Variants in NREP observed in about 807,000 individuals in gnomAD.
NREP encodes neuronal regeneration-related protein.
NREP carries 5 observed loss-of-function variants against 8.6 expected under a neutral mutation model. The ratio of observed to expected loss-of-function variants is 0.58; its 90% CI spans 0.30 to 1.22. NREP has a LOEUF of 1.22. Among genes scored for constraint, NREP ranks in the 50% most tolerant of loss-of-function variants. The pLI, the probability that NREP is intolerant of heterozygous loss-of-function variation, is 0.07. For missense variants in NREP, 86 were observed against 82.5 expected (o/e 1.04, Z -0.17); for synonymous variants, 27 against 28.0 (o/e 0.96, Z 0.11).
chr5:111,851,697 T>C (rs907721341), intron 2 of NREP, among the ~76,000 whole-genome samples: 3 of 152,088 alleles, frequency 2.0e-5, no homozygotes, highest in Non-Finnish European at 4.4e-5. Context: ...AAGAATAAGC[T>C]AAAGAGACCT....
chr5:111,921,601 G>A (rs976547020), intron 2 of NREP, among the ~76,000 whole-genome samples: 4 of 152,142 alleles, frequency 2.6e-5, no homozygotes, highest in Admixed American at 6.6e-5. Flanking sequence ...AATGGTTCGG[G>A]CAATGTCCTT....
At chr5:111,778,105 G>A (rs1255461715) in intron 2 of NREP, among the ~76,000 whole-genome samples, 1 of 152,110 alleles carries the variant, frequency 6.6e-6, no homozygotes, top group Non-Finnish European at 1.5e-5. Context: ...ACAATTTAAT[G>A]CATACACACA....
chr5:111,757,426 G>C, upstream of NREP: 1 of 980,980 alleles, frequency 1.0e-6, no homozygotes, highest in Non-Finnish European at 1.2e-6. Context: ...TTCTCTAAGA[G>C]TCTCTCTCTC....
At chr5:111,820,516 T>A (rs1752492100) in intron 2 of NREP, among the ~76,000 whole-genome samples, 1 of 151,764 alleles carries the variant, frequency 6.6e-6, no homozygotes, top group Non-Finnish European at 1.5e-5. Context: ...TTCAAGATAA[T>A]GATAACCTCT....
intron 2 of NREP, among the ~76,000 whole-genome samples, chr5:111,821,855 T>C (rs1561680300): frequency 6.6e-6 from 1 of 152,124 alleles, no homozygotes; most frequent in Non-Finnish European, 1.5e-5. Flanking sequence ...AGGGTATTTA[T>C]AGGAGAAGAA....
At chr5:111,807,236 T>C (rs1752163788) in intron 2 of NREP, among the ~76,000 whole-genome samples, 1 of 152,178 alleles carries the variant, frequency 6.6e-6, no homozygotes, top group South Asian at 2.1e-4. Flanking sequence ...AGCCAGAAAT[T>C]CTTTATTTCA....
At chr5:111,959,918 C>T (rs1756435193) in intron 2 of NREP, among the ~76,000 whole-genome samples, 1 of 150,004 alleles carries the variant, frequency 6.7e-6, no homozygotes, top group African/African-American at 2.4e-5. Context: ...GTATTATAAC[C>T]AGGATTTTTT....
chr5:111,880,887 A>T (rs1303139271), intron 2 of NREP, among the ~76,000 whole-genome samples: 1 of 150,838 alleles, frequency 6.6e-6, no homozygotes, highest in Admixed American at 6.6e-5. Context: ...TACAGCTCCC[A>T]GCGTGAGCAA....
At chr5:111,914,840 A>G (rs146375760) in intron 2 of NREP, among the ~76,000 whole-genome samples, 1 of 152,236 alleles carries the variant, frequency 6.6e-6, no homozygotes, top group East Asian at 1.9e-4. Context: ...AGAAAAGCTT[A>G]AACATGCAAT....
At chr5:111,826,059 T>G (rs572698706) in intron 2 of NREP, among the ~76,000 whole-genome samples, 1 of 152,114 alleles carries the variant, frequency 6.6e-6, no homozygotes, top group East Asian at 1.9e-4. Flanking sequence ...GTTCAAGCGA[T>G]TCTCCTGCTT....
intron 2 of NREP, among the ~76,000 whole-genome samples, chr5:111,967,089 T>G (rs1387019969): frequency 6.6e-6 from 1 of 152,164 alleles, no homozygotes; most frequent in Non-Finnish European, 1.5e-5. Context: ...TGGGTAGAGA[T>G]CAAGACTGCT....
intron 3 of NREP, chr5:111,734,544 C>T: frequency 2.3e-6 from 1 of 441,166 alleles, no homozygotes; most frequent in Non-Finnish European, 4.0e-6. Context: ...GTGCAAACTG[C>T]CAGTTGATAC....
At position 111,905,735 on chromosome 5, in the gene NREP, G is replaced by C. The variant is rs574959111; in HGVS notation, c.135+69539C>G. 5.3e-5 allele frequency among the ~76,000 whole-genome samples: 8 copies of C among 152,172 alleles called. No homozygotes were observed. In the South Asian group the frequency reaches 1.7e-3, roughly 32 times the overall value. ...AGCTAAGAGTACTATATGCATCATA[G>C]TTAGACTTAAATCAAATATACGCTA... is the stretch of plus-strand genomic sequence containing the variant. On this transcript the variant is annotated intron_variant, in intron 2 of 3. Coordinates refer to the NREP transcript ENST00000395634.
intron 2 of NREP, among the ~76,000 whole-genome samples, chr5:111,912,270 G>A (rs766400297): frequency 6.6e-6 from 1 of 151,902 alleles, no homozygotes; most frequent in Non-Finnish European, 1.5e-5. Flanking sequence ...GCTTCCGTAA[G>A]TGACTAAAAC....
At chr5:111,869,713 G>A (rs952247923) in intron 2 of NREP, among the ~76,000 whole-genome samples, 14 of 152,282 alleles carry the variant, frequency 9.2e-5, no homozygotes, top group African/African-American at 2.6e-4. Flanking sequence ...TATATTTTGA[G>A]AAGCATTATG....
chr5:111,741,068 A>C (rs1040920276), intron 2 of NREP, among the ~76,000 whole-genome samples: 3 of 152,174 alleles, frequency 2.0e-5, no homozygotes, highest in Non-Finnish European at 4.4e-5. Flanking sequence ...GTTAACGACC[A>C]TAACTGTAAT....
intron 2 of NREP, among the ~76,000 whole-genome samples, chr5:111,742,314 G>C (rs537382461): frequency 6.6e-6 from 1 of 152,066 alleles, no homozygotes; most frequent in African/African-American, 2.4e-5. Flanking sequence ...TCTGCTCATC[G>C]TGAAGCCATC....
At chr5:111,915,687 T>C (rs1184101969) in intron 2 of NREP, among the ~76,000 whole-genome samples, 2 of 152,092 alleles carry the variant, frequency 1.3e-5, no homozygotes, top group African/African-American at 4.8e-5. Context: ...CACATGCACC[T>C]ACACATAAAA....
At chr5:111,779,476 CA>C (rs1751441776) in intron 2 of NREP, among the ~76,000 whole-genome samples, 1 of 152,118 alleles carries the variant, frequency 6.6e-6, no homozygotes, top group Non-Finnish European at 1.5e-5. Flanking sequence ...GATTAGTTAC[CA>C]TGATTCATTT....
Sources: allele counts gnomAD v4.1 joint callset (sites outside exome capture counted in the v4.1 genomes callset), GRCh38; gene constraint gnomAD v4.1.1; transcripts MANE v1.5; gene names NCBI Gene and HGNC (gene_info 2026-07-23, HGNC 2026-07-21).